Variants in HMGB3 observed in about 807,000 individuals in gnomAD.
HMGB3 encodes the protein high mobility group box 3, also known as high mobility group protein B3.
Under a neutral mutation model 12.9 loss-of-function variants are expected in HMGB3, and 1 was observed. That is an observed-to-expected ratio of 0.08 (90% CI 0.03 to 0.37). The LOEUF is 0.37. HMGB3 is among the 10% of genes least tolerant of loss of function. HMGB3 has a pLI of 0.99. For synonymous variants in HMGB3, 61 were observed against 53.9 expected, an observed-to-expected ratio of 1.13 and a Z score of -0.57; for missense variants, 74 against 153.3, an observed-to-expected ratio of 0.48 and a Z score of 2.73.
rs1557425340 is a variant in HMGB3 at position 150,989,462 on chromosome X, T to C, written c.*1548T>C. ...AAGTTGAATGGCCTGCTCATAAGTT[T>C]AGCTCATTCACTGGAAATGTAGATT... On this transcript the variant is annotated 3_prime_UTR_variant, in exon 5 of 5. Transcript: ENST00000325307. 1 of 112,096 alleles carries C rather than the reference T, an allele frequency of 8.9e-6. No individual in the cohort carries two copies. Among genetic ancestry groups the C allele is most frequent in the Admixed American group, 9.5e-5 (1 of 10,525 alleles). The allele number at this position is 112,096 out of a possible 1,213,427, so 9.2% of individuals were successfully genotyped here. A position where few individuals can be genotyped will look rare whatever the true frequency, so the allele number is the denominator to read the frequency against.
chrX:150,989,205 TCA>T lies in HMGB3; in HGVS notation c.*1294_*1295del, dbSNP rs2048088034. 9.0e-6 allele frequency: 1 copy of T among 111,699 alleles called. No individual in the cohort carries two copies. The highest frequency in any genetic ancestry group is 9.6e-5 in the Admixed American group (1 of 10,464). The allele number at this position is 111,699 out of a possible 1,213,427, so 9.2% of individuals were successfully genotyped here. ...CTACCCCCCGTGCTCCTGGCACATA[TCA>T]CATTATTTGTGGTGCCCAACATTTG... On this transcript the variant is annotated 3_prime_UTR_variant, in exon 5 of 5. Coordinates refer to ENST00000325307, the MANE Select transcript of HMGB3 (RefSeq NM_005342.4).
At position 150,983,389 on chromosome X, in the gene HMGB3, C is replaced by G; in HGVS notation, c.-6+13C>G. 1 of 747,436 alleles carries G rather than the reference C, an allele frequency of 1.3e-6. No homozygotes were observed. Among genetic ancestry groups the G allele is most frequent in the Non-Finnish European group, 1.6e-6 (1 of 637,873 alleles). 61.6% of individuals were successfully genotyped at this position (747,436 alleles called of 1,213,427 possible). On this transcript the variant is annotated intron_variant, in intron 1 of 4. Coordinates refer to ENST00000325307, the MANE Select transcript of HMGB3 (RefSeq NM_005342.4). ...GCGAACAATACAGGTACGTCTCGCACCGCCCGCTCCCGCCGCCGCCGCCGC... is the reference window on the plus strand; with the variant it reads ...GCGAACAATACAGGTACGTCTCGCAGCGCCCGCTCCCGCCGCCGCCGCCGC...
chrX:150,985,805 T>C lies in HMGB3; in HGVS notation c.150+56T>C, dbSNP rs1168531249. On this transcript the variant is annotated intron_variant, in intron 2 of 4. Transcript: ENST00000325307. Reference sequence around the variant, plus strand: ...CTTAGTTGGGTTTCTTACTTTGGGGTTACTTACCTTCAGATTTTCTCCCAG... The same window carrying C: ...CTTAGTTGGGTTTCTTACTTTGGGGCTACTTACCTTCAGATTTTCTCCCAG... 16 of 1,032,465 alleles carry C rather than the reference T, an allele frequency of 1.5e-5. No homozygotes were observed. In the Admixed American group the frequency reaches 4.2e-4, roughly 27 times the overall value. 85.1% of individuals were successfully genotyped at this position (1,032,465 alleles called of 1,213,427 possible).
At chrX:150,983,677 A>G (rs1460308691) in intron 1 of HMGB3, 29 of 589,979 alleles carry the variant, frequency 4.9e-5, no homozygotes, top group Admixed American at 8.9e-5. Flanking sequence ...TGGCGGCCCC[A>G]GGGGCCGCAG....
rs782139046 is a variant in HMGB3 at position 150,988,742 on chromosome X, TTAAA to T, written c.*833_*836del. 7.1e-5 allele frequency: 8 copies of T among 112,278 alleles called. No homozygotes were observed. The highest frequency in any genetic ancestry group is 9.7e-5 in the African/African-American group (3 of 30,830). The allele number at this position is 112,278 out of a possible 1,213,427, so 9.3% of individuals were successfully genotyped here. A position where few individuals can be genotyped will look rare whatever the true frequency, so the allele number is the denominator to read the frequency against. ...TTAGAATGCTGAAATGTTTTTGAAG[TTAAA>T]TAAACAGTATTACATTTTTAAAACT... On this transcript the variant is annotated 3_prime_UTR_variant, in exon 5 of 5. Coordinates refer to ENST00000325307, the MANE Select transcript of HMGB3 (RefSeq NM_005342.4).
In HMGB3 at chrX:150,989,549, G is replaced by A. The variant is rs2048091509; in HGVS notation, c.*1635G>A. On this transcript the variant is annotated 3_prime_UTR_variant, in exon 5 of 5. Coordinates refer to ENST00000325307, the MANE Select transcript of HMGB3 (RefSeq NM_005342.4). ...GTGTCAGTGGTTATATTAGTGGGTA[G>A]TGTAACATTTTATCCAGGTTGGGGT... 8.9e-6 allele frequency: 1 copy of A among 111,744 alleles called. No homozygotes were observed. The highest frequency in any genetic ancestry group is 3.3e-5 in the African/African-American group (1 of 30,703). The allele number at this position is 111,744 out of a possible 1,213,427, so 9.2% of individuals were successfully genotyped here. A position where few individuals can be genotyped will look rare whatever the true frequency, so the allele number is the denominator to read the frequency against.
chrX:150,980,721 A>G (rs888847474), upstream of HMGB3: 7 of 392,734 alleles, frequency 1.8e-5, no homozygotes, highest in Non-Finnish European at 2.3e-5. Flanking sequence ...TGAGGGTGGC[A>G]ACTGGGGGCC....
chrX:150,983,161 T>A (rs2048003646), upstream of HMGB3: 2 of 399,525 alleles, frequency 5.0e-6, no homozygotes, highest in Non-Finnish European at 6.3e-6. Context: ...CGGGTCGTTC[T>A]GTTTGAATGA....
intron 1 of HMGB3, chrX:150,983,720 T>A (rs1417171272): frequency 7.2e-6 from 2 of 278,407 alleles, no homozygotes; most frequent in Non-Finnish European, 9.7e-6. Flanking sequence ...GCCAGATGTT[T>A]GGGCAGCTGC....
At chrX:150,986,279 A>G in intron 3 of HMGB3, 89 bp downstream of exon 3, 1 of 737,909 alleles carries the variant, frequency 1.4e-6, no homozygotes, top group Non-Finnish European at 1.9e-6. Context: ...ATTTCATTTC[A>G]AAATGAAATA....
chrX:150,983,611 G>T, intron 1 of HMGB3: 1 of 751,003 alleles, frequency 1.3e-6, no homozygotes, highest in Non-Finnish European at 1.6e-6. Flanking sequence ...CTTTTCCAAC[G>T]CGTTCCCCGA....
In HMGB3 at chrX:150,987,909, GA is replaced by G; in HGVS notation, c.600del (p.Glu200AspfsTer15). The stretch of plus-strand genomic sequence containing the variant: ...AGAGGAGGAGGAGGAGGAGGAGGAT[GA>G]ATAAAGAAACTGTTTATCTGTCTCC... The part of the protein sequence containing the change: ...EEEEEEEEED[E>X] On this transcript the variant is annotated frameshift_variant, in exon 5 of 5. Coordinates refer to ENST00000325307, the MANE Select transcript of HMGB3 (RefSeq NM_005342.4). LOFTEE classifies it high-confidence loss of function. 8.4e-7 allele frequency: 1 copy of G among 1,191,246 alleles called. No homozygotes were observed. Among genetic ancestry groups the G allele is most frequent in the Non-Finnish European group, 1.1e-6 (1 of 889,134 alleles).
intron 1 of HMGB3, chrX:150,984,534 C>T (rs2048030776): frequency 1.8e-5 from 12 of 659,992 alleles, no homozygotes; most frequent in Non-Finnish European, 2.2e-5. Flanking sequence ...CCGCCACCGC[C>T]GCCGCCCCCG....
At chrX:150,984,757 G>A (rs2048034238) in intron 1 of HMGB3, 1 of 119,035 alleles carries the variant, frequency 8.4e-6, no homozygotes, top group Admixed American at 9.2e-5. Context: ...CAGCCTCCTG[G>A]GCGGCTGCTG....
chrX:150,989,594 A>G lies in HMGB3; in HGVS notation c.*1680A>G, dbSNP rs1344815390. ...TGGGGTGAGGGGAGATGGCCACAGT[A>G]GCAAGTGGTGACACTAAATACCATT... On this transcript the variant is annotated 3_prime_UTR_variant, in exon 5 of 5. Coordinates refer to ENST00000325307, the MANE Select transcript of HMGB3 (RefSeq NM_005342.4). The G allele has an allele frequency of 1.8e-5, 2 of 111,410 alleles. No homozygotes were observed. Among genetic ancestry groups the G allele is most frequent in the East Asian group, 5.6e-4 (2 of 3,561 alleles). The allele number at this position is 111,410 out of a possible 1,213,427, so 9.2% of individuals were successfully genotyped here. A position where few individuals can be genotyped will look rare whatever the true frequency, so the allele number is the denominator to read the frequency against.
chrX:150,987,286 A>G lies in HMGB3; in HGVS notation c.449A>G (p.Lys150Arg). The change falls in exon 4 of 5, where the codon AAG (lysine) becomes AGG (arginine). Residue 150 changes from lysine (K) to arginine (R), a missense_variant. Transcript: ENST00000325307. ...QPYITKAAKLKEKYEKDVADY... is the reference protein window; with the variant it reads ...QPYITKAAKLREKYEKDVADY... ...TACATCACTAAGGCGGCAAAGCTGA[A>G]GGAGAAGTATGAGAAGGTAAGGTGG... is the stretch of plus-strand genomic sequence containing the variant. 1 of 1,208,413 alleles carries G rather than the reference A, an allele frequency of 8.3e-7. No homozygotes were observed. Among genetic ancestry groups the G allele is most frequent in the South Asian group, 1.8e-5 (1 of 56,340 alleles).
At chrX:150,982,283 T>A (rs2047997264), upstream of HMGB3, among the ~76,000 whole-genome samples, 1 of 111,413 alleles carries the variant, frequency 9.0e-6, no homozygotes, top group Non-Finnish European at 1.9e-5. Flanking sequence ...CTGCCAGTCA[T>A]CCAGGCACCG....
intron 2 of HMGB3, 41 bp from the exon 3 acceptor site, chrX:150,986,010 T>C (rs1274257426): frequency 5.9e-6 from 7 of 1,184,591 alleles, no homozygotes; most frequent in Non-Finnish European, 7.9e-6. Context: ...TAGGTATGTG[T>C]TCACTGCATC....
In HMGB3 at chrX:150,989,767, A is replaced by G. The variant is rs1369706365; in HGVS notation, c.*1853A>G. 8.9e-6 allele frequency: 1 copy of G among 111,991 alleles called. No homozygotes were observed. Among genetic ancestry groups the G allele is most frequent in the Non-Finnish European group, 1.9e-5 (1 of 53,235 alleles). The allele number at this position is 111,991 out of a possible 1,213,427, so 9.2% of individuals were successfully genotyped here. A position where few individuals can be genotyped will look rare whatever the true frequency, so the allele number is the denominator to read the frequency against. Reference sequence around the variant, plus strand: ...AAACACGCAGGAGTGTTTTTGTGCTATTAATTTTAAGAGAAAGCAGCTTTT... The same window carrying G: ...AAACACGCAGGAGTGTTTTTGTGCTGTTAATTTTAAGAGAAAGCAGCTTTT... On this transcript the variant is annotated 3_prime_UTR_variant, in exon 5 of 5. Transcript: ENST00000325307.
Sources: gnomAD v4.1 joint callset for allele counts (sites outside exome capture counted in the v4.1 genomes callset) on GRCh38, gnomAD v4.1.1 for gene constraint, MANE v1.5 for transcripts, NCBI Gene and HGNC (gene_info 2026-07-23, HGNC 2026-07-21) for gene names.